The following ST18 variants were observed in gnomAD, a reference collection of about 807,000 sequenced individuals.
ST18 encodes suppression of tumorigenicity 18 protein.
In ST18, 50 loss-of-function variants were observed where a neutral mutation model predicts 110.0. The observed-to-expected ratio is 0.45, with a 90% confidence interval of 0.36 to 0.58. The LOEUF (loss-of-function observed/expected upper bound fraction) is 0.58. ST18 is among the 20% of genes least tolerant of loss of function. ST18 has a pLI of 0.00. For synonymous variants in ST18, 461 were observed against 452.4 expected, an observed-to-expected ratio of 1.02 and a Z score of -0.24; for missense variants, 1,306 against 1,280.1, an observed-to-expected ratio of 1.02 and a Z score of -0.31.
At chr8:52,275,495 G>A (rs894659837) in intron 2 of ST18, among the ~76,000 whole-genome samples, 1 of 152,156 alleles carries the variant, frequency 6.6e-6, no homozygotes, top group African/African-American at 2.4e-5. Flanking sequence ...ACAGCTGAAG[G>A]TCCAAACCAT....
chr8:52,377,359 T>C lies in ST18; in HGVS notation c.-465+31969A>G, dbSNP rs573218928. ...AACCCTAGATCTATGTGGTGACTGA[T>C]AAATCGAGATATTTAGTTACTGTTC... On this transcript the variant is annotated intron_variant, in intron 2 of 25. Coordinates refer to ENST00000689386, the MANE Select transcript of ST18 (RefSeq NM_001352837.2). 7.2e-5 allele frequency among the ~76,000 whole-genome samples: 11 copies of C among 152,334 alleles called. No homozygotes were observed. In the East Asian group the frequency reaches 9.6e-4, roughly 13 times the overall value.
At chr8:52,322,750 C>A (rs1371855472) in intron 2 of ST18, among the ~76,000 whole-genome samples, 1 of 152,164 alleles carries the variant, frequency 6.6e-6, no homozygotes, top group African/African-American at 2.4e-5. Flanking sequence ...TACAGAACTT[C>A]CCTTATCATC....
At chr8:52,171,730 G>T in intron 10 of ST18, 62 bp downstream of exon 10, 1 of 1,553,640 alleles carries the variant, frequency 6.4e-7, no homozygotes, top group South Asian at 1.2e-5. Context: ...AATCAAATCT[G>T]ACTTTTTTTT....
intron 22 of ST18, among the ~76,000 whole-genome samples, chr8:52,130,995 C>T (rs2049347037): frequency 6.6e-6 from 1 of 152,164 alleles, no homozygotes; most frequent in Non-Finnish European, 1.5e-5. Flanking sequence ...CATAAGTCTA[C>T]ATTTGAAAAC....
chr8:52,366,601 C>A (rs2140519741), intron 2 of ST18, among the ~76,000 whole-genome samples: 1 of 152,290 alleles, frequency 6.6e-6, no homozygotes, highest in Admixed American at 6.5e-5. Context: ...AGGACGGGAC[C>A]CATCGCTTCA....
intron 9 of ST18, among the ~76,000 whole-genome samples, chr8:52,174,984 G>A (rs975675169): frequency 1.3e-5 from 2 of 151,660 alleles, no homozygotes; most frequent in African/African-American, 4.8e-5. Flanking sequence ...TTTTCTCTGG[G>A]GGCCTGGTGG....
chr8:52,123,693 G>C (rs2045903001), intron 23 of ST18, among the ~76,000 whole-genome samples: 1 of 152,228 alleles, frequency 6.6e-6, no homozygotes, highest in South Asian at 2.1e-4. Flanking sequence ...TGAAAGCTCA[G>C]CTGAAGATGC....
intron 2 of ST18, among the ~76,000 whole-genome samples, chr8:52,315,612 G>T (rs189802307): frequency 6.6e-6 from 1 of 151,246 alleles, no homozygotes; most frequent in East Asian, 1.9e-4. Context: ...GGTTCCATTA[G>T]AGGAGGAAGC....
rs1448577074 is a variant in ST18 at position 52,167,003 on chromosome 8, T to C, written c.1070-17A>G. On this transcript the variant is annotated splice_polypyrimidine_tract_variant and intron_variant, in intron 10 of 25. Coordinates refer to ENST00000689386, the MANE Select transcript of ST18 (RefSeq NM_001352837.2). ...TTGGTGAATCTATGGAGAAATTCAA[T>C]TGAGAAATGCATTTGGTTATTCTTG... is the stretch of plus-strand genomic sequence containing the variant. 6.3e-7 allele frequency: 1 copy of C among 1,595,132 alleles called. No individual in the cohort carries two copies. Among genetic ancestry groups the C allele is most frequent in the Non-Finnish European group, 8.6e-7 (1 of 1,166,820 alleles).
intron 17 of ST18, among the ~76,000 whole-genome samples, chr8:52,140,840 A>G (rs984918209): frequency 6.6e-6 from 1 of 152,196 alleles, no homozygotes; most frequent in African/African-American, 2.4e-5. Flanking sequence ...AATTTCCAAC[A>G]ATCTACCTTC....
At chr8:52,165,112 G>T (rs375629081) in intron 12 of ST18, 23 bp downstream of exon 12, 1 of 1,608,642 alleles carries the variant, frequency 6.2e-7, no homozygotes, top group Admixed American at 1.7e-5. Context: ...AATGCAAAAT[G>T]ATTATCATCT....
intron 2 of ST18, among the ~76,000 whole-genome samples, chr8:52,291,922 C>T (rs764197786): frequency 2.0e-5 from 3 of 152,228 alleles, no homozygotes; most frequent in East Asian, 1.9e-4. Flanking sequence ...ACCACAGGCG[C>T]GTGCCATCAC....
intron 8 of ST18, among the ~76,000 whole-genome samples, chr8:52,181,990 G>C (rs550227778): frequency 2.6e-5 from 4 of 152,096 alleles, no homozygotes; most frequent in Non-Finnish European, 4.4e-5. Flanking sequence ...GTCAGTGTAG[G>C]ATGAAAAGGA....
chr8:52,380,870 G>A (rs975231515), intron 2 of ST18, among the ~76,000 whole-genome samples: 10 of 152,118 alleles, frequency 6.6e-5, no homozygotes, highest in East Asian at 3.8e-4. Flanking sequence ...TCCTTGTAAC[G>A]TAAGCTGCAC....
At chr8:52,384,411 C>T (rs1263773930) in intron 2 of ST18, among the ~76,000 whole-genome samples, 1 of 152,076 alleles carries the variant, frequency 6.6e-6, no homozygotes, top group East Asian at 1.9e-4. Context: ...CTACTAAGTC[C>T]TCCCACTTCG....
chr8:52,388,496 T>A (rs1170788632), intron 2 of ST18, among the ~76,000 whole-genome samples: 1 of 152,134 alleles, frequency 6.6e-6, no homozygotes, highest in Non-Finnish European at 1.5e-5. Context: ...ATAAAAGTGC[T>A]AGCGTTTTTA....
chr8:52,300,582 C>G (rs2095704394), intron 2 of ST18, among the ~76,000 whole-genome samples: 1 of 152,076 alleles, frequency 6.6e-6, no homozygotes, highest in Non-Finnish European at 1.5e-5. Flanking sequence ...TTGTATGACC[C>G]TCGATTTAAA....
intron 2 of ST18, among the ~76,000 whole-genome samples, chr8:52,255,924 TCA>T (rs1256009081): frequency 6.6e-6 from 1 of 152,196 alleles, no homozygotes; most frequent in Admixed American, 6.5e-5. Flanking sequence ...CATTGCTCCC[TCA>T]CAGTGTTTTG....
At chr8:52,206,166 A>T (rs1483050506) in intron 8 of ST18, among the ~76,000 whole-genome samples, 1 of 152,088 alleles carries the variant, frequency 6.6e-6, no homozygotes, top group Non-Finnish European at 1.5e-5. Context: ...AACTTAGCAC[A>T]TGAGTAAATG....
Sources: gnomAD v4.1 joint callset for allele counts (sites outside exome capture counted in the v4.1 genomes callset) on GRCh38, gnomAD v4.1.1 for gene constraint, MANE v1.5 for transcripts, NCBI Gene and HGNC (gene_info 2026-07-23, HGNC 2026-07-21) for gene names.